KCNQ3: variants seen among roughly 807,000 people sequenced by gnomAD.
KCNQ3 encodes the protein potassium voltage-gated channel subfamily Q member 3, also known as potassium voltage-gated channel subfamily KQT member 3.
Under a neutral mutation model 92.5 loss-of-function variants are expected in KCNQ3, and 30 were observed. The observed-to-expected ratio is 0.32, with a 90% CI of 0.24 to 0.44. The LOEUF (loss-of-function observed/expected upper bound fraction) is 0.44, where lower values mean the gene tolerates loss of function less well. KCNQ3 is among the 20% of genes least tolerant of loss of function. The probability of loss-of-function intolerance (pLI) is 1.00; values close to 1 mark genes in which losing one functional copy is unlikely to be tolerated. For synonymous variants in KCNQ3, 450 were observed against 468.8 expected, an observed-to-expected ratio of 0.96 and a Z score of 0.52; for missense variants, 913 against 1,140.3, an observed-to-expected ratio of 0.80 and a Z score of 2.87.
intron 1 of KCNQ3, among the ~76,000 whole-genome samples, chr8:132,371,652 C>A (rs776721720): frequency 2.0e-5 from 3 of 152,186 alleles, no homozygotes; most frequent in Non-Finnish European, 4.4e-5. Context: ...GCAGGGAAGG[C>A]GATCCTTGTC....
chr8:132,376,930 AAG>A (rs2130747755), intron 1 of KCNQ3, among the ~76,000 whole-genome samples: 1 of 152,348 alleles, frequency 6.6e-6, no homozygotes, highest in African/African-American at 2.4e-5. Flanking sequence ...GGAGTGGGTG[AAG>A]GGAAAGAATG....
intron 1 of KCNQ3, among the ~76,000 whole-genome samples, chr8:132,461,634 A>T (rs1822064031): frequency 6.6e-6 from 1 of 152,230 alleles, no homozygotes; most frequent in Non-Finnish European, 1.5e-5. Context: ...TTCCATTCCC[A>T]TCAGCAATGA....
At chr8:132,237,922 C>T (rs890129450) in intron 1 of KCNQ3, among the ~76,000 whole-genome samples, 4 of 152,156 alleles carry the variant, frequency 2.6e-5, no homozygotes, top group Non-Finnish European at 4.4e-5. Flanking sequence ...ACCATCATCT[C>T]GGACAAATAC....
At chr8:132,287,887 G>A (rs1816721758) in intron 1 of KCNQ3, among the ~76,000 whole-genome samples, 1 of 152,086 alleles carries the variant, frequency 6.6e-6, no homozygotes, top group Admixed American at 6.6e-5. Flanking sequence ...ACAACATTAT[G>A]CATGTAGTGC....
chr8:132,123,927 C>T lies in KCNQ3; in HGVS notation c.*5335G>A, dbSNP rs1173282890. The T allele has an allele frequency of 6.6e-6, 1 of 152,244 alleles. No individual in the cohort carries two copies. The highest frequency in any genetic ancestry group is 2.4e-5 in the African/African-American group (1 of 41,464). 9.4% of individuals were successfully genotyped at this position (152,244 alleles called of 1,614,324 possible). A position where few individuals can be genotyped will look rare whatever the true frequency, so the allele number is the denominator to read the frequency against. ...AGGTTTAAGCAAGCATTAACTCTTTCTTCTGCAAGTTCCCCCATTCATTGC... is the reference window on the plus strand; with the variant it reads ...AGGTTTAAGCAAGCATTAACTCTTTTTTCTGCAAGTTCCCCCATTCATTGC... On this transcript the variant is annotated 3_prime_UTR_variant, in exon 15 of 15. Coordinates refer to ENST00000388996, the MANE Select transcript of KCNQ3 (RefSeq NM_004519.4).
intron 1 of KCNQ3, among the ~76,000 whole-genome samples, chr8:132,332,000 C>T (rs1489450614): frequency 3.9e-5 from 6 of 152,204 alleles, no homozygotes; most frequent in African/African-American, 1.4e-4. Context: ...CTTGTGCAAT[C>T]CCCTCCCCTT....
At chr8:132,451,786 G>C (rs956371229) in intron 1 of KCNQ3, among the ~76,000 whole-genome samples, 8 of 152,218 alleles carry the variant, frequency 5.3e-5, no homozygotes, top group African/African-American at 1.9e-4. Context: ...TAACTGATGA[G>C]ATGAGATCTG....
At chr8:132,293,795 A>C (rs1016894828) in intron 1 of KCNQ3, among the ~76,000 whole-genome samples, 3 of 152,134 alleles carry the variant, frequency 2.0e-5, no homozygotes, top group African/African-American at 4.8e-5. Context: ...ACTGGGTGAT[A>C]AGTTGTTATC....
At chr8:132,212,721 T>C (rs1394719766) in intron 1 of KCNQ3, among the ~76,000 whole-genome samples, 1 of 152,214 alleles carries the variant, frequency 6.6e-6, no homozygotes, top group Admixed American at 6.5e-5. Flanking sequence ...CTGCCGACTA[T>C]GTGCTTCCTC....
At chr8:132,446,569 A>G (rs1821682535) in intron 1 of KCNQ3, among the ~76,000 whole-genome samples, 1 of 152,198 alleles carries the variant, frequency 6.6e-6, no homozygotes, top group Non-Finnish European at 1.5e-5. Flanking sequence ...CCGGGATACA[A>G]TTAAAGCCAA....
Position 132,192,187 on chromosome 8 carries a change from T to C in KCNQ3, c.387-6006A>G, listed in dbSNP as rs185620353. Among the ~76,000 whole-genome samples, 398 of 152,232 alleles carry C rather than the reference T, an allele frequency of 2.6e-3. 1 individual carries two copies. Among genetic ancestry groups the C allele is most frequent in the Non-Finnish European group, 4.1e-3 (282 of 68,018 alleles). ...ATCCGCAGGGAGCCTGCGGAGCCCA[T>C]CTTTGGCCAGGAGGGGGCAGCAGAG... On this transcript the variant is annotated intron_variant, in intron 1 of 14. Coordinates refer to ENST00000388996, the MANE Select transcript of KCNQ3 (RefSeq NM_004519.4).
intron 1 of KCNQ3, among the ~76,000 whole-genome samples, chr8:132,244,976 T>C (rs185460439): frequency 6.8e-6 from 1 of 147,658 alleles, no homozygotes; most frequent in East Asian, 2.1e-4. Context: ...CTGCTCTGGC[T>C]CATTGGTATA....
chr8:132,161,357 G>A (rs536990046), intron 9 of KCNQ3, among the ~76,000 whole-genome samples: 4 of 152,264 alleles, frequency 2.6e-5, no homozygotes, highest in East Asian at 1.9e-4. Flanking sequence ...GGCTGGGCCC[G>A]GTGGCTCATG....
intron 1 of KCNQ3, among the ~76,000 whole-genome samples, chr8:132,415,549 A>G (rs1302039474): frequency 6.6e-6 from 1 of 152,236 alleles, no homozygotes; most frequent in Non-Finnish European, 1.5e-5. Context: ...CTGCAGTGAC[A>G]GTGCTCAGGG....
chr8:132,233,132 T>C (rs1662062964), intron 1 of KCNQ3, among the ~76,000 whole-genome samples: 2 of 152,168 alleles, frequency 1.3e-5, no homozygotes, highest in South Asian at 4.1e-4. Context: ...TTTTAACCAA[T>C]AGTAACCCTT....
intron 1 of KCNQ3, among the ~76,000 whole-genome samples, chr8:132,326,952 A>G (rs1818071945): frequency 6.6e-6 from 1 of 152,052 alleles, no homozygotes; most frequent in African/African-American, 2.4e-5. Flanking sequence ...TCCCTGTTTC[A>G]TTTTCCACCC....
rs762808143 is a variant in KCNQ3 at position 132,480,401 on chromosome 8, C to A, written c.132G>T (p.Gly44=). 3 of 1,534,868 alleles carry A rather than the reference C, an allele frequency of 2.0e-6. No individual in the cohort carries two copies. The highest frequency in any genetic ancestry group is 2.8e-5 in the African/African-American group (2 of 70,462). ...AAAGDEERKV[G]LAPGDVEQVT... is the part of the protein sequence containing the mutation. ...CTTGCTCCACGTCGCCGGGCGCCAGCCCCACTTTCCGCTCCTCGTCGCCGG... is the reference window on the plus strand; with the variant it reads ...CTTGCTCCACGTCGCCGGGCGCCAGACCCACTTTCCGCTCCTCGTCGCCGG... Residue 44 remains glycine, a synonymous_variant, in exon 1 of 15, where the codon GGG becomes GGT. Coordinates refer to ENST00000388996, the MANE Select transcript of KCNQ3 (RefSeq NM_004519.4).
intron 1 of KCNQ3, among the ~76,000 whole-genome samples, chr8:132,253,020 A>G (rs1179041268): frequency 6.6e-6 from 1 of 152,144 alleles, no homozygotes; most frequent in East Asian, 1.9e-4. Context: ...CATTTCCACC[A>G]TTTCTGGAAA....
intron 1 of KCNQ3, among the ~76,000 whole-genome samples, chr8:132,464,855 C>T (rs966745894): frequency 5.9e-5 from 9 of 152,180 alleles, no homozygotes; most frequent in Non-Finnish European, 1.2e-4. Flanking sequence ...TTATTCACCC[C>T]TCTTTCTCCT....
Sources: gnomAD v4.1 joint callset for allele counts (sites outside exome capture counted in the v4.1 genomes callset) on GRCh38, gnomAD v4.1.1 for gene constraint, MANE v1.5 for transcripts, NCBI Gene and HGNC (gene_info 2026-07-23, HGNC 2026-07-21) for gene names.